Variants in DNAH7 observed in about 807,000 individuals in gnomAD.
DNAH7 encodes the protein dynein axonemal heavy chain 7, also known as axonemal beta dynein heavy chain 7.
A neutral mutation model predicts 444.6 loss-of-function variants in DNAH7; 397 were observed. The ratio of observed to expected loss-of-function variants is 0.89; its 90% CI spans 0.82 to 0.97. The LOEUF (loss-of-function observed/expected upper bound fraction) is 0.97. Among genes scored for constraint, DNAH7 ranks in the 50% least tolerant of loss-of-function variants. DNAH7 has a pLI of 0.00. For missense variants in DNAH7, 4,902 were observed against 4,800.8 expected, an observed-to-expected ratio of 1.02 and a Z score of -0.62; for synonymous variants, 1,636 against 1,624.4, an observed-to-expected ratio of 1.01 and a Z score of -0.17.
At chr2:196,009,015 G>A (rs1292089463) in intron 10 of DNAH7, among the ~76,000 whole-genome samples, 2 of 152,158 alleles carry the variant, frequency 1.3e-5, no homozygotes, top group African/African-American at 2.4e-5. Flanking sequence ...CATGGCCAGA[G>A]CGAGTGCAAG....
In DNAH7 at chr2:196,057,785, AC is replaced by A. The variant is rs1697899031; in HGVS notation, c.78+268del. On this transcript the variant is annotated intron_variant, in intron 2 of 64. Transcript: ENST00000312428. ...GTTTAACTCAACCGCATTAAACTCAACATACCTAGACAGCAAATTTTATTCT... is the reference window on the plus strand; with the variant it reads ...GTTTAACTCAACCGCATTAAACTCAAATACCTAGACAGCAAATTTTATTCT... 3.9e-5 allele frequency among the ~76,000 whole-genome samples: 6 copies of A among 152,228 alleles called. No individual in the cohort carries two copies. In the South Asian group the frequency reaches 1.2e-3, roughly 31 times the overall value.
intron 17 of DNAH7, among the ~76,000 whole-genome samples, chr2:195,963,721 T>C (rs1691269114): frequency 6.6e-6 from 1 of 152,244 alleles, no homozygotes; most frequent in Non-Finnish European, 1.5e-5. Context: ...CAATGTTTCT[T>C]GTAGTAGTTT....
chr2:195,900,982 T>A (rs1171840449), intron 27 of DNAH7: 1 of 152,144 alleles, frequency 6.6e-6, no homozygotes, highest in African/African-American at 2.4e-5. Flanking sequence ...AATAAAGAGG[T>A]TAGGGAATTA....
chr2:195,750,413 C>T (rs890959339), intron 63 of DNAH7, among the ~76,000 whole-genome samples: 1 of 152,150 alleles, frequency 6.6e-6, no homozygotes, highest in African/African-American at 2.4e-5. Context: ...ATCATCAGTG[C>T]TGCTCAAACT....
chr2:195,827,268 T>C (rs1366893959), intron 48 of DNAH7, among the ~76,000 whole-genome samples: 2 of 152,206 alleles, frequency 1.3e-5, no homozygotes, highest in Non-Finnish European at 2.9e-5. Flanking sequence ...TTTCAACTTG[T>C]TCTTATTTAA....
chr2:196,010,699 A>T (rs1391142938), intron 10 of DNAH7, among the ~76,000 whole-genome samples: 1 of 152,214 alleles, frequency 6.6e-6, no homozygotes, highest in Non-Finnish European at 1.5e-5. Context: ...GAATAGATAA[A>T]GAAAATATAG....
chr2:195,901,453 A>T (rs1686699872), intron 27 of DNAH7: 1 of 152,168 alleles, frequency 6.6e-6, no homozygotes, highest in Non-Finnish European at 1.5e-5. Context: ...GTATATAATA[A>T]ATATATCATT....
At chr2:195,964,577 A>G (rs1691337497) in intron 17 of DNAH7, among the ~76,000 whole-genome samples, 1 of 143,168 alleles carries the variant, frequency 7.0e-6, no homozygotes, top group African/African-American at 2.6e-5. Context: ...CAACTACAAG[A>G]TCATATTGGC....
chr2:195,851,061 G>A (rs556604775), intron 46 of DNAH7, among the ~76,000 whole-genome samples: 2 of 152,168 alleles, frequency 1.3e-5, no homozygotes, highest in African/African-American at 4.8e-5. Context: ...AGGGAAGTCT[G>A]ACAGAAAGAG....
At chr2:195,806,702 T>C in intron 54 of DNAH7, 38 bp downstream of exon 54, 1 of 1,576,278 alleles carries the variant, frequency 6.3e-7, no homozygotes, top group Non-Finnish European at 8.7e-7. Context: ...GGCATAAGGC[T>C]TTGGAATCAT....
chr2:196,039,691 T>C (rs1328591062), intron 5 of DNAH7, among the ~76,000 whole-genome samples: 1 of 150,158 alleles, frequency 6.7e-6, no homozygotes, highest in Non-Finnish European at 1.5e-5. Flanking sequence ...CTCAGCTACT[T>C]AGGAGGTTGA....
At chr2:195,963,780 T>A (rs1424732472) in intron 17 of DNAH7, among the ~76,000 whole-genome samples, 1 of 152,226 alleles carries the variant, frequency 6.6e-6, no homozygotes, top group African/African-American at 2.4e-5. Flanking sequence ...TTGATTTGAT[T>A]TTTTATATGG....
At chr2:195,984,381 C>T (rs1459686537) in intron 15 of DNAH7, among the ~76,000 whole-genome samples, 3 of 151,964 alleles carry the variant, frequency 2.0e-5, no homozygotes, top group Non-Finnish European at 4.4e-5. Context: ...CAGAGTATTG[C>T]TGTGTTGCCA....
intron 19 of DNAH7, among the ~76,000 whole-genome samples, chr2:195,955,356 AG>A (rs1178443603): frequency 1.3e-5 from 2 of 152,060 alleles, no homozygotes. Flanking sequence ...ATTATTTCTG[AG>A]GGCTCTCTTC....
chr2:195,955,141 A>G (rs904888442), intron 19 of DNAH7, among the ~76,000 whole-genome samples: 13 of 152,016 alleles, frequency 8.6e-5, no homozygotes, highest in African/African-American at 1.9e-4. Flanking sequence ...TTTCTTCTAC[A>G]GTTTTTATGG....
chr2:195,771,737 C>T lies in DNAH7; in HGVS notation c.11356G>A (p.Val3786Ile), dbSNP rs752982405. The change falls in exon 61 of 65, where the codon GTC becomes ATC. Residue 3786 changes from valine to isoleucine, a missense_variant. Coordinates refer to ENST00000312428, the MANE Select transcript of DNAH7 (RefSeq NM_018897.3). Reference sequence around the variant, plus strand: ...TTATTGAACCGTCCCATCTCTTGGACAAGTACAGTGTTCATGCTCTGAGTA... The same window carrying T: ...TTATTGAACCGTCCCATCTCTTGGATAAGTACAGTGTTCATGCTCTGAGTA... The part of the protein sequence containing the change: ...TYTQSMNTVL[V>I]QEMGRFNKLL... 1 of 1,614,130 alleles carries T rather than the reference C, an allele frequency of 6.2e-7. No individual in the cohort carries two copies. The highest frequency in any genetic ancestry group is 1.1e-5 in the South Asian group (1 of 91,080).
chr2:196,036,882 G>A (rs916768073), intron 5 of DNAH7, among the ~76,000 whole-genome samples: 20 of 151,964 alleles, frequency 1.3e-4, no homozygotes, highest in African/African-American at 2.7e-4. Flanking sequence ...CAACACTGCC[G>A]GTGCCCATGC....
chr2:195,741,082 T>C, intron 63 of DNAH7: 1 of 256,272 alleles, frequency 3.9e-6, no homozygotes, highest in Middle Eastern at 1.2e-3. Flanking sequence ...AATAGTAAAA[T>C]TAGGTGTGGA....
intron 41 of DNAH7, among the ~76,000 whole-genome samples, chr2:195,862,583 C>T (rs187554226): frequency 7.9e-5 from 12 of 152,292 alleles, no homozygotes; most frequent in Admixed American, 7.8e-4. Flanking sequence ...CATTTCTGAA[C>T]TGTTATACCA....
Sources: gnomAD v4.1 joint callset for allele counts (sites outside exome capture counted in the v4.1 genomes callset) on GRCh38, gnomAD v4.1.1 for gene constraint, MANE v1.5 for transcripts, NCBI Gene and HGNC (gene_info 2026-07-23, HGNC 2026-07-21) for gene names.